The following THSD7B variants were observed in gnomAD, a reference collection of about 807,000 sequenced individuals.
THSD7B encodes the protein thrombospondin type 1 domain containing 7B.
Under a neutral mutation model 213.6 loss-of-function variants are expected in THSD7B, and 138 were observed. That is an observed-to-expected ratio of 0.65 (90% CI 0.56 to 0.74). The LOEUF is 0.74. THSD7B is among the 30% of genes least tolerant of loss of function. THSD7B has a pLI of 0.00. For synonymous variants in THSD7B, 742 were observed against 687.0 expected, an observed-to-expected ratio of 1.08 and a Z score of -1.25; for missense variants, 1,931 against 1,991.5, an observed-to-expected ratio of 0.97 and a Z score of 0.58.
chr2:137,336,106 C>A (rs140219074), intron 12 of THSD7B, among the ~76,000 whole-genome samples: 400 of 97,296 alleles, frequency 4.1e-3, no homozygotes, highest in African/African-American at 0.01. Context: ...GAGGGAAGTC[C>A]ACAATTAACA....
At chr2:137,132,246 G>T (rs1203246512) in intron 5 of THSD7B, among the ~76,000 whole-genome samples, 5 of 151,276 alleles carry the variant, frequency 3.3e-5, no homozygotes, top group South Asian at 2.1e-4. Flanking sequence ...CTGAGACTTT[G>T]CTGAAGTTGC....
At chr2:137,495,213 C>A (rs1027101783) in intron 15 of THSD7B, among the ~76,000 whole-genome samples, 2 of 152,066 alleles carry the variant, frequency 1.3e-5, no homozygotes, top group African/African-American at 4.8e-5. Flanking sequence ...AATAAATATA[C>A]TATTTAAAAT....
At chr2:136,790,303 AG>A (rs1681944987) in intron 1 of THSD7B, among the ~76,000 whole-genome samples, 1 of 152,048 alleles carries the variant, frequency 6.6e-6, no homozygotes, top group Admixed American at 6.6e-5. Context: ...GGAAAATAGA[AG>A]AAAAAAACCA....
intron 15 of THSD7B, among the ~76,000 whole-genome samples, chr2:137,488,542 G>C (rs756410066): frequency 4.6e-5 from 7 of 152,148 alleles, no homozygotes; most frequent in South Asian, 4.1e-4. Flanking sequence ...ATCAATGATT[G>C]ATGATGAAAT....
intron 12 of THSD7B, among the ~76,000 whole-genome samples, chr2:137,397,162 A>G (rs994107221): frequency 6.6e-6 from 1 of 151,862 alleles, no homozygotes; most frequent in African/African-American, 2.4e-5. Context: ...TAGTCCATTT[A>G]CATTTAAAGT....
At chr2:137,373,872 TG>T (rs1324807220) in intron 12 of THSD7B, among the ~76,000 whole-genome samples, 1 of 152,222 alleles carries the variant, frequency 6.6e-6, no homozygotes, top group Non-Finnish European at 1.5e-5. Context: ...AATTAATTTT[TG>T]TATAAGTTGT....
At chr2:136,780,879 C>T (rs1573635201) in intron 1 of THSD7B, among the ~76,000 whole-genome samples, 1 of 152,244 alleles carries the variant, frequency 6.6e-6, no homozygotes, top group East Asian at 1.9e-4. Flanking sequence ...GTAAAACAGG[C>T]CCACACTTCC....
chr2:136,990,830 G>A (rs1685766247), intron 2 of THSD7B: 2 of 1,269,400 alleles, frequency 1.6e-6, no homozygotes, highest in South Asian at 1.2e-5. Context: ...TTTCTTCTGA[G>A]TACTGAGCAT....
At chr2:137,230,963 A>G in intron 7 of THSD7B, 81 bp from the exon 8 acceptor site, 1 of 1,306,286 alleles carries the variant, frequency 7.7e-7, no homozygotes, top group Non-Finnish European at 1.1e-6. Flanking sequence ...TTGGGGGGGT[A>G]CTTTAAACTG....
chr2:137,015,126 TC>T (rs1686313737), intron 2 of THSD7B, among the ~76,000 whole-genome samples: 1 of 152,162 alleles, frequency 6.6e-6, no homozygotes, highest in African/African-American at 2.4e-5. Context: ...AACTATAGAC[TC>T]CCAGGGGGCA....
At chr2:137,330,274 A>C (rs1189680639) in intron 12 of THSD7B, among the ~76,000 whole-genome samples, 1 of 152,152 alleles carries the variant, frequency 6.6e-6, no homozygotes, top group African/African-American at 2.4e-5. Context: ...CCACTGGGGC[A>C]CTGCCAAGTG....
At chr2:137,580,348 T>C (rs1038985344) in intron 17 of THSD7B, among the ~76,000 whole-genome samples, 1 of 152,156 alleles carries the variant, frequency 6.6e-6, no homozygotes, top group Non-Finnish European at 1.5e-5. Flanking sequence ...TTAGTGCAAA[T>C]GTCTGAAGAA....
intron 15 of THSD7B, among the ~76,000 whole-genome samples, chr2:137,515,177 A>T (rs911755094): frequency 2.6e-5 from 4 of 152,098 alleles, no homozygotes; most frequent in African/African-American, 9.7e-5. Context: ...TGGAATGGGG[A>T]TGTGTGGGAG....
intron 17 of THSD7B, among the ~76,000 whole-genome samples, chr2:137,612,888 A>G (rs978281798): frequency 5.7e-4 from 87 of 152,326 alleles, no homozygotes; most frequent in African/African-American, 2.0e-3. Flanking sequence ...TTTAACAAAT[A>G]TACAGTTAAA....
chr2:136,819,751 T>C (rs2104937067), intron 1 of THSD7B, among the ~76,000 whole-genome samples: 1 of 152,152 alleles, frequency 6.6e-6, no homozygotes, highest in East Asian at 1.9e-4. Context: ...TATTGGCCAA[T>C]GCATTTCCTC....
At position 137,631,624 on chromosome 2, in the gene THSD7B, T is replaced by C. The variant is rs75475603; in HGVS notation, c.3800-10864T>C. 7.5e-3 allele frequency among the ~76,000 whole-genome samples: 1,139 copies of C among 152,326 alleles called. 11 individuals are homozygous for C. Among genetic ancestry groups the C allele is most frequent in the African/African-American group, 0.026 (1,063 of 41,578 alleles). ...TTCAAGGGCAAGCCAATAACTTTAATTTTTGATATCTGCATCCAATTTGAT... is the reference window on the plus strand; with the variant it reads ...TTCAAGGGCAAGCCAATAACTTTAACTTTTGATATCTGCATCCAATTTGAT... On this transcript the variant is annotated intron_variant, in intron 20 of 27. Transcript: ENST00000409968.
chr2:137,250,865 A>T (rs1048096758), intron 10 of THSD7B, among the ~76,000 whole-genome samples: 1 of 152,128 alleles, frequency 6.6e-6, no homozygotes, highest in African/African-American at 2.4e-5. Flanking sequence ...CCCAAATCTT[A>T]CTACAGCCTA....
chr2:137,059,058 G>A lies in THSD7B; in HGVS notation c.950+1828G>A, dbSNP rs186446800. On this transcript the variant is annotated intron_variant, in intron 3 of 27. Coordinates refer to ENST00000409968, the MANE Select transcript of THSD7B (RefSeq NM_001316349.2). Reference sequence around the variant, plus strand: ...ATGAGAAATTTATTTCCACAGTTCTGGAGGCTGGAAAGTCCAAATTCAAGG... The same window carrying A: ...ATGAGAAATTTATTTCCACAGTTCTAGAGGCTGGAAAGTCCAAATTCAAGG... Among the ~76,000 whole-genome samples the A allele has an allele frequency of 7.0e-4, 106 of 152,266 alleles. 1 individual carries two copies. Among genetic ancestry groups the A allele is most frequent in the African/African-American group, 2.5e-3 (105 of 41,550 alleles).
At chr2:136,786,120 T>G (rs1483541236) in intron 1 of THSD7B, among the ~76,000 whole-genome samples, 3 of 152,002 alleles carry the variant, frequency 2.0e-5, no homozygotes, top group Non-Finnish European at 4.4e-5. Context: ...ACAGAAGCAG[T>G]CATATGCAGT....
Sources: gnomAD v4.1 joint callset for allele counts (sites outside exome capture counted in the v4.1 genomes callset) on GRCh38, gnomAD v4.1.1 for gene constraint, MANE v1.5 for transcripts, NCBI Gene and HGNC (gene_info 2026-07-23, HGNC 2026-07-21) for gene names.